DHX34: variants seen among roughly 807,000 people sequenced by gnomAD.
DHX34 encodes DExH-box helicase 34.
In DHX34, 96 loss-of-function variants were observed where a neutral mutation model predicts 111.1. That is an observed-to-expected ratio of 0.86 (90% CI 0.73 to 1.02). The LOEUF (loss-of-function observed/expected upper bound fraction) is 1.02. Among genes scored for constraint, DHX34 ranks in the 50% least tolerant of loss-of-function variants. The pLI, the probability that DHX34 is intolerant of heterozygous loss-of-function variation, is 0.00. For synonymous variants in DHX34, 688 were observed against 670.4 expected (o/e 1.03, Z -0.41); for missense variants, 1,560 against 1,579.9 (o/e 0.99, Z 0.21).
intron 2 of DHX34, among the ~76,000 whole-genome samples, chr19:47,354,736 C>T (rs569241274): frequency 1.6e-4 from 24 of 152,154 alleles, no homozygotes; most frequent in Middle Eastern, 3.4e-3. Context: ...CTGCAACCTC[C>T]GCCTCCCGGG....
intron 6 of DHX34, among the ~76,000 whole-genome samples, chr19:47,365,662 G>A (rs560299263): frequency 6.1e-4 from 93 of 152,322 alleles, no homozygotes; most frequent in African/African-American, 2.2e-3. Flanking sequence ...AACTTCTAGT[G>A]CCCTCGGATC....
intron 5 of DHX34, among the ~76,000 whole-genome samples, chr19:47,360,487 G>T (rs778109432): frequency 3.3e-5 from 5 of 152,128 alleles, no homozygotes; most frequent in Non-Finnish European, 7.3e-5. Context: ...TGGGGCCTTT[G>T]TACTGTTCTC....
intron 13 of DHX34, 108 bp from the exon 14 acceptor site, chr19:47,379,602 A>C (rs977327333): frequency 2.0e-6 from 3 of 1,491,550 alleles, no homozygotes; most frequent in South Asian, 1.4e-5. Context: ...TGGATGCCTC[A>C]CATAGACAGG....
chr19:47,353,606 C>A lies in DHX34; in HGVS notation c.576C>A (p.Ser192=). 6.2e-7 allele frequency: 1 copy of A among 1,613,266 alleles called. No individual in the cohort carries two copies. ...VVAGDTGCGK[S]TQVPQYLLAA... ...CCGGTGACACCGGCTGTGGCAAGTC[C>A]ACTCAGGTGCCCCAGTACCTGCTGG... Residue 192 remains serine (S), a synonymous_variant, in exon 2 of 17, where the codon TCC becomes TCA. Coordinates refer to ENST00000328771, the MANE Select transcript of DHX34 (RefSeq NM_014681.6). The surrounding 1 kb of genome is among the most constrained non-coding windows in gnomAD (Gnocchi z 4.6).
In DHX34 at chr19:47,379,974, A is replaced by G. The variant is rs760007076; in HGVS notation, c.2971A>G (p.Thr991Ala). The G allele has an allele frequency of 1.9e-6, 3 of 1,584,938 alleles. No homozygotes were observed. The South Asian group carries it at 3.4e-5, about 18-fold the overall frequency. The change falls in exon 14 of 17, where the codon ACG becomes GCG. Residue 991 changes from threonine (T) to alanine (A), a missense_variant. Physicochemically the swap from Thr to Ala is moderately conservative, Grantham distance 58. Transcript: ENST00000328771. ...ATLSKELLQF[T>A]ASKIPYSLRR... ...CCTGAGCAAGGAACTCCTGCAATTC[A>G]CGGCATCCAAGGTACCCTCCACCAG...
chr19:47,375,350 G>A, intron 9 of DHX34, 116 bp from the exon 10 acceptor site: 1 of 1,428,712 alleles, frequency 7.0e-7, no homozygotes. Context: ...GCGAGGGGCT[G>A]TTTTCAGCCC....
rs1181907261 is a variant in DHX34, at chr19:47,380,106, A to G, written c.2982+121A>G. On this transcript the variant is annotated intron_variant, in intron 14 of 16. Coordinates refer to ENST00000328771, the MANE Select transcript of DHX34 (RefSeq NM_014681.6). ...CACATGGGCACATTTGGGGGTTTTC[A>G]GGCCACAGAGGTTCAGTCACTTACA... The G allele has an allele frequency of 4.2e-6, 6 of 1,417,974 alleles. No individual in the cohort carries two copies. In the Admixed American group the frequency reaches 8.6e-5, roughly 20 times the overall value. The allele number at this position is 1,417,974 out of a possible 1,614,324, so 87.8% of individuals were successfully genotyped here. A position where few individuals can be genotyped will look rare whatever the true frequency, so the allele number is the denominator to read the frequency against.
chr19:47,379,773 G>A lies in DHX34; in HGVS notation c.2770G>A (p.Gly924Ser). ...NGDCSRLVAD[G>S]WLELQLADSE... ...TGACTGCTCCCGCCTGGTGGCCGAT[G>A]GCTGGCTGGAGCTGCAGCTAGCAGA... is the stretch of plus-strand genomic sequence containing the variant. Residue 924 changes from glycine (G) to serine (S), a missense_variant, in exon 14 of 17, where the codon GGC becomes AGC. By Grantham distance (56) the Gly-to-Ser change is moderately conservative. Transcript: ENST00000328771. The A allele has an allele frequency of 6.2e-7, 1 of 1,613,200 alleles. No homozygotes were observed. Among genetic ancestry groups the A allele is most frequent in the Non-Finnish European group, 8.5e-7 (1 of 1,179,296 alleles).
intron 13 of DHX34, among the ~76,000 whole-genome samples, chr19:47,377,917 G>A (rs561429711): frequency 6.6e-6 from 1 of 152,238 alleles, no homozygotes; most frequent in South Asian, 2.1e-4. Flanking sequence ...CCACTGCCCT[G>A]CCCCTAGTGC....
rs934133675 is a variant in DHX34, at chr19:47,359,824, C to T, written c.1273-144C>T. 128 of 1,492,782 alleles carry T rather than the reference C, an allele frequency of 8.6e-5. No homozygotes were observed. The East Asian group carries it at 1.0e-3, about 12-fold the overall frequency. 92.5% of individuals were successfully genotyped at this position (1,492,782 alleles called of 1,614,324 possible). On this transcript the variant is annotated intron_variant, in intron 4 of 16. Transcript: ENST00000328771. ...AGGATGGCCCAGGTGATGGGGTGGA[C>T]GGTGAGCCATCTCCAAAAGGGAGGT... is the stretch of plus-strand genomic sequence containing the variant.
At chr19:47,365,287 T>G (rs1342738063) in intron 6 of DHX34, among the ~76,000 whole-genome samples, 2 of 152,076 alleles carry the variant, frequency 1.3e-5, no homozygotes, top group South Asian at 2.1e-4. Flanking sequence ...AGTCTCACTC[T>G]GTCGCCCAGG....
chr19:47,366,719 T>C (rs1969795630), intron 6 of DHX34: 1 of 479,068 alleles, frequency 2.1e-6, no homozygotes, highest in African/African-American at 2.1e-5. Flanking sequence ...TAGCTGGGAT[T>C]ACAGTCATGC....
chr19:47,349,961 T>C (rs1969234587), intron 1 of DHX34, among the ~76,000 whole-genome samples: 1 of 152,088 alleles, frequency 6.6e-6, no homozygotes, highest in Non-Finnish European at 1.5e-5. Flanking sequence ...GAGTGGCTCA[T>C]GTAACACTCG....
chr19:47,376,652 C>T (rs1970172506), intron 12 of DHX34, 92 bp downstream of exon 12: 3 of 1,500,506 alleles, frequency 2.0e-6, no homozygotes, highest in African/African-American at 1.4e-5. Flanking sequence ...GGGGCTCCCA[C>T]ACCGGCCCAG....
intron 3 of DHX34, 172 bp from the exon 4 acceptor site, chr19:47,357,694 G>A: frequency 1.0e-6 from 1 of 956,422 alleles, no homozygotes; most frequent in Non-Finnish European, 1.2e-6. Flanking sequence ...GAAAGGAGAA[G>A]CCTGGATCCC....
chr19:47,349,660 G>C (rs1484427545), intron 1 of DHX34, among the ~76,000 whole-genome samples: 1 of 152,180 alleles, frequency 6.6e-6, no homozygotes, highest in Non-Finnish European at 1.5e-5. Flanking sequence ...GAGAGCGTGG[G>C]CGAGAGTGCC....
chr19:47,353,124 T>C lies in DHX34; in HGVS notation c.94T>C (p.Cys32Arg). ...EEALEKWDWN[C>R]PETRRLLEDA... is the part of the protein sequence containing the mutation. Reference sequence around the variant, plus strand: ...GGCCTTGGAGAAATGGGACTGGAATTGTCCAGAGACGCGTCGCCTCTTGGA... The same window carrying C: ...GGCCTTGGAGAAATGGGACTGGAATCGTCCAGAGACGCGTCGCCTCTTGGA... Residue 32 changes from cysteine (C) to arginine (R), a missense_variant, in exon 2 of 17, where the codon TGT becomes CGT. Physicochemically the swap from Cys to Arg is radical, Grantham distance 180. Coordinates refer to ENST00000328771, the MANE Select transcript of DHX34 (RefSeq NM_014681.6). The surrounding 1 kb of genome is among the most constrained non-coding windows in gnomAD (Gnocchi z 4.6). 1 of 1,614,146 alleles carries C rather than the reference T, an allele frequency of 6.2e-7. No homozygotes were observed. The highest frequency in any genetic ancestry group is 2.2e-5 in the East Asian group (1 of 44,882).
In DHX34 at chr19:47,375,534, G is replaced by T. The variant is rs1481819910; in HGVS notation, c.2133G>T (p.Arg711=). The T allele has an allele frequency of 6.4e-7, 1 of 1,562,118 alleles. No homozygotes were observed. The highest frequency in any genetic ancestry group is 8.6e-7 in the Non-Finnish European group (1 of 1,159,488). Residue 711 remains arginine (R), a synonymous_variant, in exon 10 of 17, where the codon CGG becomes CGT. Coordinates refer to ENST00000328771, the MANE Select transcript of DHX34 (RefSeq NM_014681.6). ...QAAQVGDSYS[R]LQQRRERRAL... is the part of the protein sequence containing the mutation. Reference sequence around the variant, plus strand: ...CGCAGGTAGGGGACAGCTACAGTCGGTTGCAGCAGCGCCGGGAGCGCCGGG... The same window carrying T: ...CGCAGGTAGGGGACAGCTACAGTCGTTTGCAGCAGCGCCGGGAGCGCCGGG...
chr19:47,353,367 C>G lies in DHX34; in HGVS notation c.337C>G (p.Pro113Ala). 1.2e-6 allele frequency: 2 copies of G among 1,614,156 alleles called. No individual in the cohort carries two copies. The highest frequency in any genetic ancestry group is 1.7e-6 in the Non-Finnish European group (2 of 1,180,038). The change falls in exon 2 of 17, where the codon CCT (proline) becomes GCT (alanine). Residue 113 changes from proline to alanine, a missense_variant. Coordinates refer to ENST00000328771, the MANE Select transcript of DHX34 (RefSeq NM_014681.6). The surrounding 1 kb of genome is among the most constrained non-coding windows in gnomAD (Gnocchi z 4.6). ...RYRINLSVLGPATRGSQGLGR... is the reference protein window; with the variant it reads ...RYRINLSVLGAATRGSQGLGR... ...CCGCATCAACCTCTCTGTTCTTGGC[C>G]CTGCCACGCGGGGCTCTCAGGGACT...
Sources: gnomAD v4.1 joint callset for allele counts (sites outside exome capture counted in the v4.1 genomes callset) on GRCh38, gnomAD v4.1.1 for gene constraint, Gnocchi (gnomAD v3.1) non-coding constraint, MANE v1.5 for transcripts, NCBI Gene and HGNC (gene_info 2026-07-23, HGNC 2026-07-21) for gene names.